The following GRHL2 variants were observed in gnomAD, a reference collection of about 807,000 sequenced individuals.
The protein encoded by GRHL2 is grainyhead like transcription factor 2.
GRHL2 carries 21 observed loss-of-function variants against 83.8 expected under a neutral mutation model. The observed-to-expected ratio is 0.25, with a 90% CI of 0.18 to 0.36. The LOEUF is 0.36. Among genes scored for constraint, GRHL2 ranks in the 10% least tolerant of loss-of-function variants. The pLI is 1.00. For synonymous variants in GRHL2, 280 were observed against 278.9 expected, an observed-to-expected ratio of 1.00 and a Z score of -0.04; for missense variants, 623 against 781.8, an observed-to-expected ratio of 0.80 and a Z score of 2.42.
intron 14 of GRHL2, among the ~76,000 whole-genome samples, chr8:101,652,369 GTCTGATGT>G (rs1563626820): frequency 1.6e-5 from 1 of 63,504 alleles, no homozygotes; most frequent in African/African-American, 8.4e-5. Flanking sequence ...GTGTGTGTGT[GTCTGATGT>G]GTGTGTGGTG....
At chr8:101,514,986 T>G (rs1273530782) in intron 1 of GRHL2, among the ~76,000 whole-genome samples, 7 of 151,282 alleles carry the variant, frequency 4.6e-5, no homozygotes, top group African/African-American at 1.7e-4. Flanking sequence ...CTTCTTTCCT[T>G]CCTTTCCTGC....
intron 1 of GRHL2, among the ~76,000 whole-genome samples, chr8:101,517,140 A>G (rs1261456084): frequency 6.6e-6 from 1 of 151,978 alleles, no homozygotes; most frequent in Non-Finnish European, 1.5e-5. Flanking sequence ...CACATCTCCT[A>G]GTCACTAGGG....
chr8:101,601,173 C>A (rs935255544), intron 8 of GRHL2, among the ~76,000 whole-genome samples: 1 of 111,496 alleles, frequency 9.0e-6, no homozygotes, highest in African/African-American at 3.5e-5. Flanking sequence ...CACACACACA[C>A]ACACACACAC....
chr8:101,637,343 A>G (rs1813309153), intron 12 of GRHL2, among the ~76,000 whole-genome samples: 1 of 152,168 alleles, frequency 6.6e-6, no homozygotes, highest in Admixed American at 6.5e-5. Context: ...TTCTTCCAGT[A>G]CTGCCTGGGA....
chr8:101,681,189 T>C, the GRHL2 span, among the ~76,000 whole-genome samples: 5 of 135,836 alleles, frequency 3.7e-5, no homozygotes, highest in African/African-American at 8.8e-5. Context: ...GCAAGACTAA[T>C]AAAGAAGAAA....
chr8:101,580,850 C>G (rs1812037809), intron 7 of GRHL2, among the ~76,000 whole-genome samples: 1 of 152,086 alleles, frequency 6.6e-6, no homozygotes. Context: ...GCTACAGGCA[C>G]ACGCCACCAC....
At chr8:101,645,171 T>C (rs1362162100) in intron 13 of GRHL2, among the ~76,000 whole-genome samples, 1 of 141,630 alleles carries the variant, frequency 7.1e-6, no homozygotes, top group Non-Finnish European at 1.5e-5. Flanking sequence ...TCTTGCTCTG[T>C]TGCCAGGCTA....
chr8:101,564,812 C>CAAAAAAA (rs3035637), intron 4 of GRHL2, among the ~76,000 whole-genome samples: 1 of 109,772 alleles, frequency 9.1e-6, no homozygotes, highest in African/African-American at 3.6e-5. Flanking sequence ...GCCCTGTCTC[C>CAAAAAAA]AAAAAAAAAA....
At chr8:101,534,328 G>A (rs1429067116) in intron 1 of GRHL2, among the ~76,000 whole-genome samples, 1 of 152,082 alleles carries the variant, frequency 6.6e-6, no homozygotes, top group Non-Finnish European at 1.5e-5. Flanking sequence ...CACTCACCTG[G>A]TTGTGGGCAG....
chr8:101,513,113 AT>A (rs998649303), intron 1 of GRHL2, among the ~76,000 whole-genome samples: 13 of 151,816 alleles, frequency 8.6e-5, no homozygotes, highest in South Asian at 6.3e-4. Flanking sequence ...AAATTTCCTA[AT>A]TTTTTTTGAG....
chr8:101,575,417 A>G (rs1049326762), intron 6 of GRHL2, among the ~76,000 whole-genome samples: 2 of 152,084 alleles, frequency 1.3e-5, no homozygotes, highest in Non-Finnish European at 2.9e-5. Flanking sequence ...TTTATGTTCC[A>G]TTTTGGCTAA....
chr8:101,678,489 G>T, the GRHL2 span, among the ~76,000 whole-genome samples: 1 of 151,378 alleles, frequency 6.6e-6, no homozygotes, highest in African/African-American at 2.5e-5. Flanking sequence ...ACTGCAAGGT[G>T]GCAGCGAGGC....
chr8:101,599,783 T>C (rs1015513166), intron 8 of GRHL2, among the ~76,000 whole-genome samples: 1 of 152,172 alleles, frequency 6.6e-6, no homozygotes, highest in African/African-American at 2.4e-5. Flanking sequence ...ACGGTTTGGA[T>C]AAAAGAAGGC....
intron 1 of GRHL2, among the ~76,000 whole-genome samples, chr8:101,531,636 A>G (rs912844019): frequency 6.6e-5 from 10 of 152,100 alleles, no homozygotes; most frequent in Non-Finnish European, 1.5e-4. Flanking sequence ...AATTCTCTCC[A>G]TTTTTAAATT....
chr8:101,507,677 G>C (rs1810368197), intron 1 of GRHL2, among the ~76,000 whole-genome samples: 1 of 151,584 alleles, frequency 6.6e-6, no homozygotes, highest in Non-Finnish European at 1.5e-5. Flanking sequence ...TTTACACTGG[G>C]TAAAAATATC....
Position 101,559,788 on chromosome 8 carries a change from A to G in GRHL2, c.678+976A>G, listed in dbSNP as rs1586095091. Among the ~76,000 whole-genome samples, 6 of 152,312 alleles carry G rather than the reference A, an allele frequency of 3.9e-5. No individual in the cohort carries two copies. The South Asian group carries it at 1.2e-3, about 32-fold the overall frequency. On this transcript the variant is annotated intron_variant, in intron 4 of 15. Coordinates refer to ENST00000646743, the MANE Select transcript of GRHL2 (RefSeq NM_024915.4). The stretch of plus-strand genomic sequence containing the variant: ...GTGAAACCAACATCAGAATCTAGGT[A>G]TAGAAAGTTCCCTTGCCCTGAAAAT...
At chr8:101,503,733 A>G (rs946634199) in intron 1 of GRHL2, among the ~76,000 whole-genome samples, 2 of 152,230 alleles carry the variant, frequency 1.3e-5, no homozygotes, top group Non-Finnish European at 2.9e-5. Context: ...ATGATGGGAC[A>G]CTATGCAAGC....
intron 7 of GRHL2, among the ~76,000 whole-genome samples, chr8:101,588,084 T>G (rs1367382454): frequency 6.6e-6 from 1 of 152,112 alleles, no homozygotes; most frequent in African/African-American, 2.4e-5. Flanking sequence ...GTTTCTCTGC[T>G]TTTGGAAAGA....
intron 1 of GRHL2, among the ~76,000 whole-genome samples, chr8:101,511,872 G>A (rs1379481836): frequency 6.6e-6 from 1 of 152,094 alleles, no homozygotes; most frequent in Non-Finnish European, 1.5e-5. Flanking sequence ...AATGAGGTGA[G>A]GTCTTTACAT....
Sources: gnomAD v4.1 joint callset for allele counts (sites outside exome capture counted in the v4.1 genomes callset) on GRCh38, gnomAD v4.1.1 for gene constraint, MANE v1.5 for transcripts, NCBI Gene and HGNC (gene_info 2026-07-23, HGNC 2026-07-21) for gene names.